Variants in NDUFS4 observed in about 807,000 individuals in gnomAD.
NDUFS4 encodes the protein NADH:ubiquinone oxidoreductase subunit S4, also known as NADH dehydrogenase [ubiquinone] iron-sulfur protein 4, mitochondrial.
A neutral mutation model predicts 24.3 loss-of-function variants in NDUFS4; 28 were observed. That is an observed-to-expected ratio of 1.15 (90% CI 0.85 to 1.58). NDUFS4 has a LOEUF of 1.58. Ranked by LOEUF, NDUFS4 falls within the 40% of genes most tolerant of loss-of-function variation. The pLI, the probability that NDUFS4 is intolerant of heterozygous loss-of-function variation, is 0.00. For missense variants in NDUFS4, 223 were observed against 207.9 expected, an observed-to-expected ratio of 1.07 and a Z score of -0.45; for synonymous variants, 93 against 69.7, an observed-to-expected ratio of 1.34 and a Z score of -1.67.
intron 1 of NDUFS4, among the ~76,000 whole-genome samples, chr5:53,566,584 C>T (rs1440131517): frequency 6.6e-6 from 1 of 152,062 alleles, no homozygotes; most frequent in Non-Finnish European, 1.5e-5. Context: ...CTCTTGGTAT[C>T]CATGAAAGAT....
At chr5:53,653,031 A>G (rs899239732) in intron 3 of NDUFS4, among the ~76,000 whole-genome samples, 1 of 152,152 alleles carries the variant, frequency 6.6e-6, no homozygotes, top group Non-Finnish European at 1.5e-5. Flanking sequence ...GATTAAACCT[A>G]AAAATGATTT....
At position 53,646,695 on chromosome 5, in the gene NDUFS4, T is replaced by TC. The variant is rs66498014; in HGVS notation, c.350+296dup. ...GAACTCAAAGCTATGTATACAGCAG[T>TC]CCCCCCTTATCTGCAGTTTTGCTTT... On this transcript the variant is annotated intron_variant, in intron 3 of 4. Coordinates refer to ENST00000296684, the MANE Select transcript of NDUFS4 (RefSeq NM_002495.4). Among the ~76,000 whole-genome samples the TC allele has an allele frequency of 0.2, 30,990 of 151,830 alleles. 3,683 individuals carry two copies. The highest frequency in any genetic ancestry group is 0.46 in the East Asian group (2,387 of 5,140).
chr5:53,582,836 A>G (rs1749616855), intron 1 of NDUFS4, among the ~76,000 whole-genome samples: 1 of 152,178 alleles, frequency 6.6e-6, no homozygotes, highest in African/African-American at 2.4e-5. Flanking sequence ...ACATCTGTGG[A>G]CTCATTTGAT....
intron 1 of NDUFS4, among the ~76,000 whole-genome samples, chr5:53,602,374 A>T (rs1443688805): frequency 6.6e-6 from 1 of 152,154 alleles, no homozygotes; most frequent in East Asian, 1.9e-4. Context: ...ATTTACAGTG[A>T]TAAAGAATTA....
intron 2 of NDUFS4, among the ~76,000 whole-genome samples, chr5:53,607,145 G>T (rs1314276667): frequency 6.6e-6 from 1 of 152,116 alleles, no homozygotes; most frequent in Non-Finnish European, 1.5e-5. Flanking sequence ...AAATCAATTG[G>T]TTATTATCTT....
At chr5:53,663,477 G>A (rs930027931) in intron 4 of NDUFS4, among the ~76,000 whole-genome samples, 3 of 152,152 alleles carry the variant, frequency 2.0e-5, no homozygotes, top group Non-Finnish European at 4.4e-5. Flanking sequence ...AAGTCTCTTT[G>A]TAGGTCACTC....
At chr5:53,606,423 A>G (rs1009491622) in intron 2 of NDUFS4, among the ~76,000 whole-genome samples, 1 of 151,958 alleles carries the variant, frequency 6.6e-6, no homozygotes, top group Non-Finnish European at 1.5e-5. Flanking sequence ...GCTGGAGTGC[A>G]GCGGCGCGAT....
intron 1 of NDUFS4, among the ~76,000 whole-genome samples, chr5:53,582,945 AGGTTGAAGTACAGT>A (rs1181258683): frequency 6.6e-6 from 1 of 152,170 alleles, no homozygotes; most frequent in African/African-American, 2.4e-5. Context: ...TCTGTCACCC[AGGTTGAAGTACAGT>A]GGCACGATCT....
chr5:53,634,949 G>T (rs1402508207), intron 2 of NDUFS4, among the ~76,000 whole-genome samples: 1 of 152,012 alleles, frequency 6.6e-6, no homozygotes, highest in African/African-American at 2.4e-5. Flanking sequence ...AGCACTTTGG[G>T]AGGCCGAGGC....
chr5:53,571,133 G>C lies in NDUFS4; in HGVS notation c.98+10373G>C, dbSNP rs568616974. ...TTTGACTGGTTTTCATATATTCCCA[G>C]AATTGTACAACCAAAACCACAATTT... is the stretch of plus-strand genomic sequence containing the variant. On this transcript the variant is annotated intron_variant, in intron 1 of 4. Transcript: ENST00000296684. Among the ~76,000 whole-genome samples the C allele has an allele frequency of 4.1e-4, 62 of 152,066 alleles. 1 individual carries two copies. Among genetic ancestry groups the C allele is most frequent in the African/African-American group, 1.4e-3 (56 of 41,458 alleles).
chr5:53,652,980 GCTTA>G (rs1273847952), intron 3 of NDUFS4, among the ~76,000 whole-genome samples: 1 of 150,498 alleles, frequency 6.6e-6, no homozygotes, highest in East Asian at 1.9e-4. Flanking sequence ...GTTAGTAAAT[GCTTA>G]CTTTTCATTT....
In NDUFS4 at chr5:53,573,146, A is replaced by AT. The variant is rs558189152; in HGVS notation, c.98+12394dup. 7.2e-4 allele frequency among the ~76,000 whole-genome samples: 106 copies of AT among 147,066 alleles called. 1 individual carries two copies. The South Asian group carries it at 0.021, about 29-fold the overall frequency. ...ACCACCATGCCTCGCTAATTTTTAT[A>AT]TTTTTTTTGTAGACATGGGTGTCTC... On this transcript the variant is annotated intron_variant, in intron 1 of 4. Transcript: ENST00000296684.
chr5:53,594,710 T>G (rs1392426188), intron 1 of NDUFS4, among the ~76,000 whole-genome samples: 2 of 152,132 alleles, frequency 1.3e-5, no homozygotes, highest in Non-Finnish European at 2.9e-5. Flanking sequence ...AATTTGTTGT[T>G]CAGAAATTAT....
chr5:53,576,272 C>T (rs1014089261), intron 1 of NDUFS4, among the ~76,000 whole-genome samples: 10 of 152,102 alleles, frequency 6.6e-5, no homozygotes, highest in Admixed American at 3.9e-4. Flanking sequence ...AAACCTTTCT[C>T]ACAAGTTACA....
intron 4 of NDUFS4, among the ~76,000 whole-genome samples, chr5:53,680,299 C>G (rs1360585057): frequency 6.6e-6 from 1 of 152,094 alleles, no homozygotes; most frequent in Non-Finnish European, 1.5e-5. Flanking sequence ...CCTCAGGGAT[C>G]TAGAACTAGA....
chr5:53,665,920 C>T (rs146575440), intron 4 of NDUFS4, among the ~76,000 whole-genome samples: 14,063 of 152,282 alleles, frequency 0.092, 777 homozygotes, highest in Non-Finnish European at 0.13. Flanking sequence ...GCGTCGCTTA[C>T]GCTGGGAGCT....
chr5:53,616,048 A>T (rs1750827720), intron 2 of NDUFS4, among the ~76,000 whole-genome samples: 1 of 152,128 alleles, frequency 6.6e-6, no homozygotes, highest in Admixed American at 6.6e-5. Context: ...TTAAACATTC[A>T]AATATGGCAG....
intron 1 of NDUFS4, among the ~76,000 whole-genome samples, chr5:53,577,883 A>T (rs896591500): frequency 6.6e-6 from 1 of 152,214 alleles, no homozygotes; most frequent in African/African-American, 2.4e-5. Context: ...CAGCTAACAA[A>T]GATCAACCTA....
chr5:53,568,965 T>C (rs13156337), intron 1 of NDUFS4, among the ~76,000 whole-genome samples: 11,532 of 152,278 alleles, frequency 0.076, 550 homozygotes, highest in Middle Eastern at 0.11. Flanking sequence ...ATTCAGCCAC[T>C]TCACACATAA....
Sources: allele counts gnomAD v4.1 joint callset (sites outside exome capture counted in the v4.1 genomes callset), GRCh38; gene constraint gnomAD v4.1.1; transcripts MANE v1.5; gene names NCBI Gene and HGNC (gene_info 2026-07-23, HGNC 2026-07-21).